HERC4: variants seen among roughly 807,000 people sequenced by gnomAD.
HERC4 encodes the protein probable E3 ubiquitin-protein ligase HERC4.
HERC4 carries 28 observed loss-of-function variants against 124.3 expected under a neutral mutation model. That is an observed-to-expected ratio of 0.23 (90% CI 0.17 to 0.31). The LOEUF (loss-of-function observed/expected upper bound fraction) is 0.31. Among genes scored for constraint, HERC4 ranks in the 10% least tolerant of loss-of-function variants. The pLI is 1.00. For missense variants in HERC4, 713 were observed against 1,229.3 expected (o/e 0.58, Z 6.28); for synonymous variants, 407 against 421.5 (o/e 0.97, Z 0.42).
chr10:67,980,534 G>GA (rs2035867906), intron 15 of HERC4, among the ~76,000 whole-genome samples: 1 of 151,766 alleles, frequency 6.6e-6, no homozygotes, highest in Admixed American at 6.6e-5. Flanking sequence ...CAATCTGAAA[G>GA]AAAAAAACAT....
intron 19 of HERC4, among the ~76,000 whole-genome samples, chr10:67,952,856 C>A (rs1008609655): frequency 6.6e-6 from 1 of 151,028 alleles, no homozygotes; most frequent in Non-Finnish European, 1.5e-5. Context: ...GCCGAGAGTG[C>A]GCCACTGTAC....
At chr10:68,051,101 C>CAAAAAAAAA (rs755520085) in intron 3 of HERC4, among the ~76,000 whole-genome samples, 4 of 95,490 alleles carry the variant, frequency 4.2e-5, no homozygotes, top group African/African-American at 4.0e-5. Flanking sequence ...ACCCAAAGAC[C>CAAAAAAAAA]AAAAAAAAAA....
intron 3 of HERC4, chr10:68,069,043 C>T (rs1306949204): frequency 1.0e-6 from 1 of 984,692 alleles, no homozygotes. Context: ...AAATTATGGT[C>T]ACAGAACAGT....
rs1455765738 is a variant in HERC4, at chr10:67,954,991, T to C, written c.2165A>G (p.Lys722Arg). The change falls in exon 18 of 25, where the codon AAG (lysine) becomes AGG (arginine). Residue 722 changes from lysine (K) to arginine (R), a missense_variant. Lys to Arg is a conservative substitution (Grantham distance 26). Coordinates refer to ENST00000373700, the MANE Select transcript of HERC4 (RefSeq NM_015601.4). ...GDAMEVLRKT[K>R]NIDYKKPLKV... ...GAGTGGCTTCTTGTAATCTATGTTC[T>C]TTGTTTTCCTAAGGACTTCCATTGC... 1 of 1,603,884 alleles carries C rather than the reference T, an allele frequency of 6.2e-7. No individual in the cohort carries two copies. The highest frequency in any genetic ancestry group is 1.7e-5 in the Admixed American group (1 of 57,458).
chr10:67,989,929 C>T lies in HERC4; in HGVS notation c.1633+282G>A, dbSNP rs1002595287. ...TTTAATAGCAAGATTATACTAAAGG[C>T]GATGAGGGAAAGGAATACGGGTGAC... On this transcript the variant is annotated intron_variant, in intron 14 of 24. Transcript: ENST00000373700. Among the ~76,000 whole-genome samples, 4 of 151,962 alleles carry T rather than the reference C, an allele frequency of 2.6e-5. No homozygotes were observed. The East Asian group carries it at 5.8e-4, about 22-fold the overall frequency.
At chr10:68,074,046 G>A (rs1050941114) in intron 1 of HERC4, 3 of 152,108 alleles carry the variant, frequency 2.0e-5, no homozygotes, top group African/African-American at 4.8e-5. Context: ...AGATTGGCGG[G>A]GGGGAATTGC....
chr10:68,005,173 T>C (rs2037464554), intron 9 of HERC4, among the ~76,000 whole-genome samples: 1 of 152,212 alleles, frequency 6.6e-6, no homozygotes, highest in Non-Finnish European at 1.5e-5. Context: ...TTGGGGTCTG[T>C]CTCTTGTTAG....
intron 22 of HERC4, among the ~76,000 whole-genome samples, chr10:67,934,300 C>T (rs1231879205): frequency 2.6e-5 from 4 of 152,138 alleles, no homozygotes; most frequent in Non-Finnish European, 5.9e-5. Flanking sequence ...AAAAGAACTT[C>T]TGTTTTCTTT....
At chr10:67,997,272 A>G (rs1184720194) in intron 9 of HERC4, among the ~76,000 whole-genome samples, 2 of 152,216 alleles carry the variant, frequency 1.3e-5, no homozygotes, top group African/African-American at 4.8e-5. Flanking sequence ...CTTTTTGTGT[A>G]ATCTGCTAGA....
At chr10:67,936,840 T>C (rs1329691085) in intron 21 of HERC4, among the ~76,000 whole-genome samples, 2 of 152,236 alleles carry the variant, frequency 1.3e-5, no homozygotes, top group African/African-American at 4.8e-5. Context: ...GAAAACCTGC[T>C]ATTTATAAAA....
At chr10:67,947,623 A>C (rs1273353596) in intron 19 of HERC4, among the ~76,000 whole-genome samples, 1 of 152,186 alleles carries the variant, frequency 6.6e-6, no homozygotes, top group African/African-American at 2.4e-5. Context: ...CATATATAGA[A>C]TACTCTATCC....
chr10:67,980,725 A>C (rs192126342), intron 15 of HERC4, among the ~76,000 whole-genome samples: 2 of 152,150 alleles, frequency 1.3e-5, no homozygotes, highest in Non-Finnish European at 2.9e-5. Flanking sequence ...AGATATAAAT[A>C]GAAACAACAA....
intron 22 of HERC4, 28 bp downstream of exon 22, chr10:67,936,125 C>T (rs1355568990): frequency 2.8e-6 from 4 of 1,417,590 alleles, no homozygotes; most frequent in Admixed American, 4.1e-5. Context: ...TCTTATTACT[C>T]CCACTGTTGC....
intron 3 of HERC4, among the ~76,000 whole-genome samples, chr10:68,057,557 G>A (rs1005086000): frequency 2.0e-5 from 3 of 151,166 alleles, no homozygotes; most frequent in Non-Finnish European, 4.4e-5. Flanking sequence ...CCAGGAGGCA[G>A]AGGTCAAAGT....
chr10:67,966,798 T>G lies in HERC4; in HGVS notation c.1811A>C (p.Asn604Thr). 1 of 1,542,828 alleles carries G rather than the reference T, an allele frequency of 6.5e-7. No individual in the cohort carries two copies. Among genetic ancestry groups the G allele is most frequent in the Non-Finnish European group, 8.7e-7 (1 of 1,143,912 alleles). The change falls in exon 16 of 25, where the codon AAT becomes ACT. Residue 604 changes from asparagine to threonine, a missense_variant. Physicochemically the swap from Asn to Thr is moderately conservative, Grantham distance 65. Coordinates refer to ENST00000373700, the MANE Select transcript of HERC4 (RefSeq NM_015601.4). ...CTGTATAATCTGTCCCATTTTCTCA[T>G]TTACCTACAAAAGAAAATGTAATTG... is the stretch of plus-strand genomic sequence containing the variant. ...LKVLEILHRV[N>T]EKMGQIIQYD...
At chr10:67,981,295 C>T (rs868403511) in intron 15 of HERC4, among the ~76,000 whole-genome samples, 3 of 152,194 alleles carry the variant, frequency 2.0e-5, no homozygotes, top group Middle Eastern at 3.2e-3. Flanking sequence ...AAGAAGGTCA[C>T]TATATAATGA....
At chr10:68,032,029 G>A (rs1293649503) in intron 7 of HERC4, among the ~76,000 whole-genome samples, 1 of 152,184 alleles carries the variant, frequency 6.6e-6, no homozygotes, top group Non-Finnish European at 1.5e-5. Flanking sequence ...TGGGATTACA[G>A]GCATGAGCCT....
At chr10:68,036,788 C>A (rs981610293) in intron 5 of HERC4, among the ~76,000 whole-genome samples, 1 of 152,190 alleles carries the variant, frequency 6.6e-6, no homozygotes, top group African/African-American at 2.4e-5. Context: ...TTTAATAAAT[C>A]TTTAAAGACT....
intron 7 of HERC4, among the ~76,000 whole-genome samples, chr10:68,030,483 T>C (rs991893554): frequency 3.9e-5 from 6 of 152,160 alleles, no homozygotes; most frequent in Non-Finnish European, 4.4e-5. Context: ...GCATATGATA[T>C]ATGTTCATAT....
Sources: allele counts gnomAD v4.1 joint callset (sites outside exome capture counted in the v4.1 genomes callset), GRCh38; gene constraint gnomAD v4.1.1; transcripts MANE v1.5; gene names NCBI Gene and HGNC (gene_info 2026-07-23, HGNC 2026-07-21).